GPR89B: variants seen among roughly 807,000 people sequenced by gnomAD.
GPR89B encodes golgi pH regulator B, also known as G protein-coupled receptor 89B.
In GPR89B, 25 loss-of-function variants were observed where a neutral mutation model predicts 52.4. The observed-to-expected ratio is 0.48, with a 90% CI of 0.35 to 0.67. The LOEUF is 0.67. GPR89B is among the 30% of genes least tolerant of loss of function. The probability of loss-of-function intolerance (pLI) is 0.01; values close to 1 mark genes in which losing one functional copy is unlikely to be tolerated. For missense variants in GPR89B, 146 were observed against 450.2 expected (o/e 0.32, Z 6.11); for synonymous variants, 52 against 151.2 (o/e 0.34, Z 4.81).
chr1:147,988,322 G>A (rs1420876472), intron 11 of GPR89B, 110 bp from the exon 12 acceptor site: 221 of 1,427,216 alleles, frequency 1.5e-4, no homozygotes, highest in Non-Finnish European at 2.1e-4. Flanking sequence ...AATCAGGTAG[G>A]GTCTAATAAA....
chr1:147,971,464 CT>C (rs1196935183), intron 10 of GPR89B, among the ~76,000 whole-genome samples: 131 of 70,268 alleles, frequency 1.9e-3, no homozygotes, highest in Non-Finnish European at 2.4e-3. Flanking sequence ...GGAAGCATGT[CT>C]TTTTTTTTTT....
chr1:147,999,281 T>C, the GPR89B span, among the ~76,000 whole-genome samples: 4 of 151,822 alleles, frequency 2.6e-5, no homozygotes, highest in Admixed American at 2.0e-4. Flanking sequence ...CTATGGCTTC[T>C]CTGGTCCTGT....
At chr1:147,940,259 T>C (rs1289237901) in intron 3 of GPR89B, among the ~76,000 whole-genome samples, 31 of 151,574 alleles carry the variant, frequency 2.0e-4, no homozygotes, top group Middle Eastern at 3.4e-3. Flanking sequence ...AAAAATTAGC[T>C]GGGCATGGTG....
intron 5 of GPR89B, among the ~76,000 whole-genome samples, chr1:147,946,168 A>G (rs1301193665): frequency 1.3e-5 from 2 of 151,606 alleles, no homozygotes; most frequent in East Asian, 3.9e-4. Context: ...GGAGATATTA[A>G]TTGCTACCAT....
Position 147,959,332 on chromosome 1 carries a change from A to G in GPR89B, c.617+4930A>G, listed in dbSNP as rs1445880381. Among the ~76,000 whole-genome samples the G allele has an allele frequency of 2.0e-5, 3 of 152,294 alleles. No homozygotes were observed. The East Asian group carries it at 5.8e-4, about 29-fold the overall frequency. On this transcript the variant is annotated intron_variant, in intron 7 of 13. Coordinates refer to ENST00000314163, the MANE Select transcript of GPR89B (RefSeq NM_016334.5). Reference sequence around the variant, plus strand: ...CTAGTGAAATTTCAGCAACAGCCACAGCCATTCTCAATAGAGGAAACTTCC... The same window carrying G: ...CTAGTGAAATTTCAGCAACAGCCACGGCCATTCTCAATAGAGGAAACTTCC...
intron 7 of GPR89B, among the ~76,000 whole-genome samples, chr1:147,957,730 A>T (rs1271311753): frequency 1.3e-5 from 2 of 151,912 alleles, no homozygotes; most frequent in African/African-American, 4.9e-5. Context: ...CTATAGTAAG[A>T]CCCATAGTCA....
At chr1:148,012,590 C>CAGG in the GPR89B span, among the ~76,000 whole-genome samples, 3 of 150,806 alleles carry the variant, frequency 2.0e-5, no homozygotes, top group Non-Finnish European at 4.4e-5. Flanking sequence ...GCAAGGACAG[C>CAGG]AGAACACTGA....
At chr1:147,935,576 A>G (rs1373365319) in intron 1 of GPR89B, among the ~76,000 whole-genome samples, 9 of 152,148 alleles carry the variant, frequency 5.9e-5, no homozygotes, top group Non-Finnish European at 2.9e-5. Flanking sequence ...TCGGCTTTAC[A>G]CTGAGATGAA....
chr1:147,969,045 C>G (rs1223908412), intron 9 of GPR89B, 82 bp downstream of exon 9: 5 of 1,128,918 alleles, frequency 4.4e-6, no homozygotes, highest in East Asian at 4.9e-5. Flanking sequence ...TTAGATTTCT[C>G]TGTGGCCAAG....
intron 1 of GPR89B, among the ~76,000 whole-genome samples, chr1:147,930,384 C>T (rs1653475918): frequency 6.6e-6 from 1 of 152,104 alleles, no homozygotes; most frequent in Non-Finnish European, 1.5e-5. Context: ...TCCTCATTTC[C>T]ATGTTTTATT....
intron 10 of GPR89B, among the ~76,000 whole-genome samples, chr1:147,984,707 T>G (rs1658539118): frequency 6.7e-6 from 1 of 149,724 alleles, no homozygotes; most frequent in Non-Finnish European, 1.5e-5. Context: ...ATTTAATGAA[T>G]TGTATTTCTC....
chr1:147,955,456 A>G (rs1304586992), intron 7 of GPR89B, among the ~76,000 whole-genome samples: 2 of 151,870 alleles, frequency 1.3e-5, no homozygotes, highest in Non-Finnish European at 2.9e-5. Context: ...TGGCAATTCC[A>G]TTTTCAGTTT....
chr1:147,931,887 G>A (rs1553247075), intron 1 of GPR89B, among the ~76,000 whole-genome samples: 1 of 152,054 alleles, frequency 6.6e-6, no homozygotes, highest in East Asian at 1.9e-4. Flanking sequence ...GCCTCTAGCT[G>A]CATCTGTGTT....
downstream of GPR89B, among the ~76,000 whole-genome samples, chr1:147,997,304 G>A (rs1429419305): frequency 4.6e-5 from 7 of 152,198 alleles, no homozygotes; most frequent in African/African-American, 1.7e-4. Flanking sequence ...TTTGGTGTGT[G>A]TCTGTGAAGG....
rs1248366642 is a variant in GPR89B at position 147,992,388 on chromosome 1, C to T, written c.1096-114C>T. On this transcript the variant is annotated intron_variant, in intron 12 of 13. Coordinates refer to ENST00000314163, the MANE Select transcript of GPR89B (RefSeq NM_016334.5). ...TCTTAATCATATGAATTGTTCTATA[C>T]AGGATTGTGGCATGGAAGAGACACT... The T allele has an allele frequency of 1.5e-5, 12 of 778,468 alleles. No homozygotes were observed. The Admixed American group carries it at 1.6e-4, about 10-fold the overall frequency. 48.2% of individuals were successfully genotyped at this position (778,468 alleles called of 1,614,324 possible). A position where few individuals can be genotyped will look rare whatever the true frequency, so the allele number is the denominator to read the frequency against.
the GPR89B span, among the ~76,000 whole-genome samples, chr1:148,015,690 A>T: frequency 6.7e-6 from 1 of 149,534 alleles, no homozygotes; most frequent in Non-Finnish European, 1.5e-5. Context: ...TACGCTTTTG[A>T]AGTTAAATTG....
chr1:147,951,763 G>A (rs1655725382), intron 5 of GPR89B, among the ~76,000 whole-genome samples: 1 of 151,802 alleles, frequency 6.6e-6, no homozygotes, highest in Admixed American at 6.6e-5. Flanking sequence ...AAAACAAATA[G>A]CACCAAGATT....
chr1:147,943,671 C>A, intron 4 of GPR89B, 127 bp downstream of exon 4: 2 of 582,372 alleles, frequency 3.4e-6, no homozygotes, highest in Non-Finnish European at 6.0e-6. Flanking sequence ...ACCTCACACA[C>A]AACATCTTAA....
intron 11 of GPR89B, among the ~76,000 whole-genome samples, chr1:147,987,138 T>C (rs1658725575): frequency 6.6e-6 from 1 of 152,170 alleles, no homozygotes; most frequent in Admixed American, 6.5e-5. Context: ...TCAATGTACA[T>C]GTTTCTTGAT....
Sources: gnomAD v4.1 joint callset for allele counts (sites outside exome capture counted in the v4.1 genomes callset) on GRCh38, gnomAD v4.1.1 for gene constraint, MANE v1.5 for transcripts, NCBI Gene and HGNC (gene_info 2026-07-23, HGNC 2026-07-21) for gene names.